PDXDC1: variants seen among roughly 807,000 people sequenced by gnomAD.
PDXDC1 encodes the protein pyridoxal dependent decarboxylase domain containing 1, also known as pyridoxal-dependent decarboxylase domain-containing protein 1.
A neutral mutation model predicts 100.1 loss-of-function variants in PDXDC1; 42 were observed. That is an observed-to-expected ratio of 0.42 (90% CI 0.33 to 0.54). The LOEUF is 0.54. Ranked by LOEUF, PDXDC1 falls within the 20% of genes least tolerant of loss-of-function variation. PDXDC1 has a pLI of 0.10. For synonymous variants in PDXDC1, 260 were observed against 371.7 expected (o/e 0.70, Z 3.46); for missense variants, 636 against 979.2 (o/e 0.65, Z 4.68).
chr16:15,005,298 C>CT (rs1974022298), intron 5 of PDXDC1, among the ~76,000 whole-genome samples: 2 of 91,408 alleles, frequency 2.2e-5, no homozygotes, highest in Non-Finnish European at 4.7e-5. Context: ...GAGTGAGACT[C>CT]TGTCTCAAAA....
At chr16:15,073,836 TA>T (rs918275926) in intron 16 of PDXDC1, among the ~76,000 whole-genome samples, 19 of 152,246 alleles carry the variant, frequency 1.2e-4, no homozygotes, top group Non-Finnish European at 8.8e-5. Context: ...CCAGGATAGT[TA>T]GTCTTGAACT....
At chr16:15,099,497 G>A (rs543193305) in intron 16 of PDXDC1, among the ~76,000 whole-genome samples, 67 of 146,312 alleles carry the variant, frequency 4.6e-4, no homozygotes, top group Middle Eastern at 3.6e-3. Context: ...GTAATTCTTT[G>A]ACCATGTCCG....
downstream of PDXDC1, among the ~76,000 whole-genome samples, chr16:15,141,381 G>A (rs990142962): frequency 5.9e-5 from 9 of 152,350 alleles, no homozygotes; most frequent in Admixed American, 2.0e-4. Flanking sequence ...AGCCACGGAC[G>A]GTGGAGCCGA....
chr16:15,147,207 G>A, the PDXDC1 span, among the ~76,000 whole-genome samples: 1 of 151,968 alleles, frequency 6.6e-6, no homozygotes, highest in African/African-American at 2.4e-5. Flanking sequence ...GCTGCACCTG[G>A]GTGCAGGGCC....
At chr16:14,991,265 ATATG>A (rs1555545841) in intron 1 of PDXDC1, among the ~76,000 whole-genome samples, 184 of 137,832 alleles carry the variant, frequency 1.3e-3, no homozygotes, top group African/African-American at 4.7e-3. Context: ...ATGTATATAG[ATATG>A]TGTGTGTGTG....
intron 16 of PDXDC1, among the ~76,000 whole-genome samples, chr16:15,099,861 C>G (rs529332817): frequency 2.6e-4 from 39 of 152,180 alleles, no homozygotes; most frequent in South Asian, 4.1e-4. Flanking sequence ...AAAACAGCAG[C>G]CTTTCCTTAG....
chr16:15,057,465 G>A (rs2044568201), intron 16 of PDXDC1, among the ~76,000 whole-genome samples: 1 of 152,206 alleles, frequency 6.6e-6, no homozygotes, highest in Non-Finnish European at 1.5e-5. Flanking sequence ...GTAGTAGAAC[G>A]AAGACTGAAC....
At chr16:15,040,291 T>C (rs190527714), downstream of PDXDC1, 358 of 423,082 alleles carry the variant, frequency 8.5e-4, no homozygotes, top group Non-Finnish European at 1.4e-3. Flanking sequence ...GAGATTTTGT[T>C]CTAAACCAAG....
chr16:15,131,448 G>A, intron 16 of PDXDC1: 1 of 1,608,436 alleles, frequency 6.2e-7, no homozygotes. Context: ...CCTAGGGGAT[G>A]GAGAAGTGGC....
intron 16 of PDXDC1, chr16:15,055,738 G>C: frequency 5.0e-6 from 2 of 398,996 alleles, no homozygotes; most frequent in South Asian, 2.7e-4. Context: ...AAAACTCCCC[G>C]ACCCCTCAAG....
intron 1 of PDXDC1, among the ~76,000 whole-genome samples, chr16:14,994,902 A>G (rs1407157846): frequency 4.6e-5 from 7 of 152,408 alleles, no homozygotes; most frequent in African/African-American, 1.7e-4. Context: ...CTTTGAAGCA[A>G]TTGTGAATGG....
intron 16 of PDXDC1, among the ~76,000 whole-genome samples, chr16:15,095,861 GGT>G (rs113527217): frequency 0.022 from 2,963 of 134,330 alleles, 40 homozygotes; most frequent in Middle Eastern, 0.052. Flanking sequence ...AAAAAAAAAA[GGT>G]GTGTGTGTGT....
At chr16:15,110,431 C>G in intron 16 of PDXDC1, 1 of 1,573,680 alleles carries the variant, frequency 6.4e-7, no homozygotes, top group South Asian at 1.1e-5. Context: ...TGGCGGTCTT[C>G]CTCTTTCCAT....
At chr16:14,979,536 C>A (rs184898204) in intron 1 of PDXDC1, among the ~76,000 whole-genome samples, 1 of 152,258 alleles carries the variant, frequency 6.6e-6, no homozygotes, top group African/African-American at 2.4e-5. Flanking sequence ...GTGATCCACC[C>A]GCCTCGGCCT....
At chr16:15,123,029 G>A (rs2047514916) in intron 16 of PDXDC1, among the ~76,000 whole-genome samples, 1 of 150,746 alleles carries the variant, frequency 6.6e-6, no homozygotes, top group African/African-American at 2.4e-5. Context: ...GAAGCAACAG[G>A]ACACGCGGGG....
At chr16:15,035,890 C>G (rs1047386058) in intron 22 of PDXDC1, 126 bp from the exon 23 acceptor site, 1 of 1,033,444 alleles carries the variant, frequency 9.7e-7, no homozygotes, top group African/African-American at 1.6e-5. Context: ...TAAAACACCT[C>G]AGAGCCAGTA....
At position 15,034,389 on chromosome 16, in the gene PDXDC1, C is replaced by T. The variant is rs74563784; in HGVS notation, c.1905+11C>T. On this transcript the variant is annotated intron_variant, in intron 20 of 22. Coordinates refer to ENST00000396410, the MANE Select transcript of PDXDC1 (RefSeq NM_015027.4). Reference sequence around the variant, plus strand: ...CGGCTTCTGGAAGAGGTGAGGCCCCCGATGGGCAGCAGGCTGGGGGAGCCG... The same window carrying T: ...CGGCTTCTGGAAGAGGTGAGGCCCCTGATGGGCAGCAGGCTGGGGGAGCCG... 0.037 allele frequency: 59,588 copies of T among 1,613,358 alleles called. 1,400 individuals carry two copies. The highest frequency in any genetic ancestry group is 0.1 in the African/African-American group (7,807 of 75,000).
chr16:15,057,738 T>C (rs1444638721), intron 16 of PDXDC1, among the ~76,000 whole-genome samples: 4 of 152,194 alleles, frequency 2.6e-5, no homozygotes, highest in Non-Finnish European at 4.4e-5. Flanking sequence ...ATAGCTATTA[T>C]TGGAATTGCA....
chr16:15,133,690 C>T (rs2048215121), intron 16 of PDXDC1: 12 of 1,597,120 alleles, frequency 7.5e-6, no homozygotes, highest in South Asian at 2.2e-5. Flanking sequence ...CAGCATCCTC[C>T]GCGTCATGCC....
Sources: allele counts gnomAD v4.1 joint callset (sites outside exome capture counted in the v4.1 genomes callset), GRCh38; gene constraint gnomAD v4.1.1; transcripts MANE v1.5; gene names NCBI Gene and HGNC (gene_info 2026-07-23, HGNC 2026-07-21).